USP6NL: variants seen among roughly 807,000 people sequenced by gnomAD.
USP6NL encodes the protein USP6 N-terminal like, also known as USP6 N-terminal-like protein.
USP6NL carries 26 observed loss-of-function variants against 61.9 expected under a neutral mutation model. The observed-to-expected ratio is 0.42, with a 90% CI of 0.31 to 0.58. The LOEUF is 0.58. Ranked by LOEUF, USP6NL falls within the 20% of genes least tolerant of loss-of-function variation. The pLI, the probability that USP6NL is intolerant of heterozygous loss-of-function variation, is 0.16. For missense variants in USP6NL, 1,114 were observed against 1,034.3 expected (o/e 1.08, Z -1.06); for synonymous variants, 432 against 390.1 (o/e 1.11, Z -1.27).
rs955770856 is a variant in USP6NL at position 11,493,116 on chromosome 10, C to T, written c.494+3G>A. The T allele has an allele frequency of 2.5e-6, 4 of 1,596,840 alleles. No individual in the cohort carries two copies. The highest frequency in any genetic ancestry group is 3.4e-6 in the Non-Finnish European group (4 of 1,169,784). On this transcript the variant is annotated splice_donor_region_variant and intron_variant, in intron 8 of 14. Transcript: ENST00000609104. Reference sequence around the variant, plus strand: ...ACATTTCATAATATTAAACTTTACTCACTTAACACCATATCTGTCTCTAAA... The same window carrying T: ...ACATTTCATAATATTAAACTTTACTTACTTAACACCATATCTGTCTCTAAA...
intron 1 of USP6NL, among the ~76,000 whole-genome samples, chr10:11,608,217 T>C (rs961758990): frequency 6.6e-6 from 1 of 152,222 alleles, no homozygotes; most frequent in Non-Finnish European, 1.5e-5. Context: ...GTCTTACAGC[T>C]ATCAAAACTA....
At chr10:11,550,212 G>A (rs1322911931) in intron 2 of USP6NL, among the ~76,000 whole-genome samples, 1 of 152,080 alleles carries the variant, frequency 6.6e-6, no homozygotes, top group African/African-American at 2.4e-5. Flanking sequence ...CGATGATACT[G>A]GGTTAGCCAA....
rs1021020914 is a variant in USP6NL, at chr10:11,553,724, C to T, written c.5-26157G>A. On this transcript the variant is annotated intron_variant, in intron 2 of 14. Transcript: ENST00000609104. The surrounding 1 kb of genome is among the most constrained non-coding windows in gnomAD (Gnocchi z 4.8). ...CAGCCTGACCAACATGATGAAACCCCGTCTCTACTAAAAATACAAAAATTA... is the reference window on the plus strand; with the variant it reads ...CAGCCTGACCAACATGATGAAACCCTGTCTCTACTAAAAATACAAAAATTA... Among the ~76,000 whole-genome samples the T allele has an allele frequency of 3.3e-5, 5 of 151,828 alleles. No individual in the cohort carries two copies. The highest frequency in any genetic ancestry group is 4.8e-5 in the African/African-American group (2 of 41,302).
In USP6NL at chr10:11,585,109, C is replaced by A. The variant is rs1479485139; in HGVS notation, c.4+12522G>T. The stretch of plus-strand genomic sequence containing the variant: ...AAGACTGTTTTAGAATGATATGATG[C>A]AAGAGAAAATGTAAACAGTGAGTCC... On this transcript the variant is annotated intron_variant, in intron 2 of 14. Coordinates refer to ENST00000609104, the MANE Select transcript of USP6NL (RefSeq NM_014688.5). The surrounding 1 kb of genome is among the most constrained non-coding windows in gnomAD (Gnocchi z 4.5). 3.9e-5 allele frequency among the ~76,000 whole-genome samples: 6 copies of A among 151,976 alleles called. No individual in the cohort carries two copies. The highest frequency in any genetic ancestry group is 1.2e-4 in the African/African-American group (5 of 41,368).
chr10:11,582,107 G>A (rs1007018593), intron 2 of USP6NL, among the ~76,000 whole-genome samples: 13 of 152,184 alleles, frequency 8.5e-5, no homozygotes, highest in Non-Finnish European at 1.8e-4. Flanking sequence ...TGGAATTACA[G>A]GTGCCTGCCA....
In USP6NL at chr10:11,490,537, A is replaced by C. The variant is rs1833667669; in HGVS notation, c.543+295T>G. On this transcript the variant is annotated intron_variant, in intron 9 of 14. Coordinates refer to ENST00000609104, the MANE Select transcript of USP6NL (RefSeq NM_014688.5). This position sits in a 1 kb window ranked among gnomAD's most constrained non-coding sequence, Gnocchi z 4.5. ...CCTTCTACCCTGTATATCTGCTTAA[A>C]AATAAAAACAAAACAACACAAAACA... Among the ~76,000 whole-genome samples, 1 of 152,230 alleles carries C rather than the reference A, an allele frequency of 6.6e-6. No individual in the cohort carries two copies. Among genetic ancestry groups the C allele is most frequent in the African/African-American group, 2.4e-5 (1 of 41,464 alleles).
Position 11,540,880 on chromosome 10 carries a change from C to T in USP6NL, c.5-13313G>A, listed in dbSNP as rs1283698497. On this transcript the variant is annotated intron_variant, in intron 2 of 14. Transcript: ENST00000609104. This position sits in a 1 kb window ranked among gnomAD's most constrained non-coding sequence, Gnocchi z 5.0. ...AAGTATTACTGGGTCCCTGAATGGCCCTTGGGTTCAAATTTGACCATAAGG... is the reference window on the plus strand; with the variant it reads ...AAGTATTACTGGGTCCCTGAATGGCTCTTGGGTTCAAATTTGACCATAAGG... Among the ~76,000 whole-genome samples, 2 of 151,996 alleles carry T rather than the reference C, an allele frequency of 1.3e-5. No individual in the cohort carries two copies. Among genetic ancestry groups the T allele is most frequent in the Admixed American group, 6.6e-5 (1 of 15,262 alleles).
At chr10:11,469,802 C>A (rs1832651992) in intron 14 of USP6NL, among the ~76,000 whole-genome samples, 1 of 152,196 alleles carries the variant, frequency 6.6e-6, no homozygotes, top group Admixed American at 6.5e-5. Context: ...ACAGTGCCAG[C>A]TCACTCCTGC....
intron 14 of USP6NL, among the ~76,000 whole-genome samples, chr10:11,480,707 A>G (rs1009264507): frequency 5.3e-5 from 8 of 152,248 alleles, no homozygotes; most frequent in Non-Finnish European, 1.0e-4. Context: ...TGTATTTTCC[A>G]TGGAAGTACT....
intron 2 of USP6NL, among the ~76,000 whole-genome samples, chr10:11,594,995 C>T (rs1487087475): frequency 2.6e-5 from 4 of 152,202 alleles, no homozygotes; most frequent in African/African-American, 9.6e-5. Flanking sequence ...CACCTCCCAA[C>T]TGGAGTGCTG....
At chr10:11,479,558 T>C (rs1333716963) in intron 14 of USP6NL, among the ~76,000 whole-genome samples, 2 of 150,538 alleles carry the variant, frequency 1.3e-5, no homozygotes, top group African/African-American at 2.4e-5. Flanking sequence ...GGCATGTTCA[T>C]GTAGGTGTTT....
rs778735378 is a variant in USP6NL, at chr10:11,574,858, G to A, written c.4+22773C>T. ...AATCAACCAAGGTTACAAGTAAACCGATCCAAAAATCAGCCTTCTGCTTTC... is the reference window on the plus strand; with the variant it reads ...AATCAACCAAGGTTACAAGTAAACCAATCCAAAAATCAGCCTTCTGCTTTC... On this transcript the variant is annotated intron_variant, in intron 2 of 14. Transcript: ENST00000609104. The surrounding 1 kb of genome is among the most constrained non-coding windows in gnomAD (Gnocchi z 4.3). Among the ~76,000 whole-genome samples, 9 of 152,136 alleles carry A rather than the reference G, an allele frequency of 5.9e-5. No homozygotes were observed. Among genetic ancestry groups the A allele is most frequent in the African/African-American group, 2.2e-4 (9 of 41,446 alleles).
In USP6NL at chr10:11,589,796, C is replaced by G. The variant is rs909588769; in HGVS notation, c.4+7835G>C. On this transcript the variant is annotated intron_variant, in intron 2 of 14. Transcript: ENST00000609104. The surrounding 1 kb of genome is among the most constrained non-coding windows in gnomAD (Gnocchi z 4.7). ...TTAATGAATATCTATTAGTGTCTGA[C>G]TATAATCTTTTTATATTTTATTGTT... Among the ~76,000 whole-genome samples, 2 of 152,188 alleles carry G rather than the reference C, an allele frequency of 1.3e-5. No individual in the cohort carries two copies. The highest frequency in any genetic ancestry group is 2.9e-5 in the Non-Finnish European group (2 of 68,044).
intron 2 of USP6NL, among the ~76,000 whole-genome samples, chr10:11,556,103 G>C (rs1259981451): frequency 1.3e-5 from 2 of 152,066 alleles, no homozygotes; most frequent in African/African-American, 4.8e-5. Flanking sequence ...CTAAACACAT[G>C]GGGTTTACTA....
chr10:11,490,635 T>C lies in USP6NL; in HGVS notation c.543+197A>G, dbSNP rs1260431606. Among the ~76,000 whole-genome samples the C allele has an allele frequency of 6.6e-6, 1 of 152,210 alleles. No homozygotes were observed. Among genetic ancestry groups the C allele is most frequent in the Non-Finnish European group, 1.5e-5 (1 of 68,042 alleles). On this transcript the variant is annotated intron_variant, in intron 9 of 14. Coordinates refer to ENST00000609104, the MANE Select transcript of USP6NL (RefSeq NM_014688.5). This position sits in a 1 kb window ranked among gnomAD's most constrained non-coding sequence, Gnocchi z 4.5. ...TGGCATACTGTGGTCATATTTAGGT[T>C]CTTCCACTTCAGAATCAGCTCTGTT...
chr10:11,464,373 C>T (rs1302021064), intron 14 of USP6NL, among the ~76,000 whole-genome samples: 1 of 152,140 alleles, frequency 6.6e-6, no homozygotes, highest in Non-Finnish European at 1.5e-5. Context: ...GCAGTCACTG[C>T]GCGCTGGCCA....
rs1293443009 is a variant in USP6NL at position 11,585,407 on chromosome 10, C to G, written c.4+12224G>C. ...GATGTATTTGTACACCCATGGTTCA[C>G]AGCAGCATAATTCGCAACAGCCAAA... is the stretch of plus-strand genomic sequence containing the variant. On this transcript the variant is annotated intron_variant, in intron 2 of 14. Coordinates refer to ENST00000609104, the MANE Select transcript of USP6NL (RefSeq NM_014688.5). The surrounding 1 kb of genome is among the most constrained non-coding windows in gnomAD (Gnocchi z 4.5). Among the ~76,000 whole-genome samples the G allele has an allele frequency of 1.3e-5, 2 of 152,322 alleles. No individual in the cohort carries two copies. The highest frequency in any genetic ancestry group is 1.9e-4 in the East Asian group (1 of 5,192).
Position 11,489,117 on chromosome 10 carries a change from T to C in USP6NL, c.649A>G (p.Lys217Glu), listed in dbSNP as rs1833602982. ...WALVKLFSGP[K>E]HAMHGFFVQG... is the part of the protein sequence containing the mutation. ...GTTTTCTTACCATGCATGGCATGTTTAGGGCCTGAGAAGAGTTTGACCAGG... is the reference window on the plus strand; with the variant it reads ...GTTTTCTTACCATGCATGGCATGTTCAGGGCCTGAGAAGAGTTTGACCAGG... Residue 217 changes from lysine (K) to glutamate (E), a missense_variant, in exon 10 of 15, where the codon AAA becomes GAA. Coordinates refer to ENST00000609104, the MANE Select transcript of USP6NL (RefSeq NM_014688.5). This position sits in a 1 kb window ranked among gnomAD's most constrained non-coding sequence, Gnocchi z 5.7. The C allele has an allele frequency of 6.2e-7, 1 of 1,613,948 alleles. No homozygotes were observed. Among genetic ancestry groups the C allele is most frequent in the Non-Finnish European group, 8.5e-7 (1 of 1,179,820 alleles).
chr10:11,589,597 GA>G lies in USP6NL; in HGVS notation c.4+8033del, dbSNP rs1392989799. Among the ~76,000 whole-genome samples the G allele has an allele frequency of 6.6e-6, 1 of 152,058 alleles. No homozygotes were observed. Among genetic ancestry groups the G allele is most frequent in the African/African-American group, 2.4e-5 (1 of 41,400 alleles). ...ATTCTCCCTTACCTTGCAAGTACTA[GA>G]ACATAACTAGGTTCACCAGTGAAGA... On this transcript the variant is annotated intron_variant, in intron 2 of 14. Transcript: ENST00000609104. The surrounding 1 kb of genome is among the most constrained non-coding windows in gnomAD (Gnocchi z 4.7).
Sources: gnomAD v4.1 joint callset for allele counts (sites outside exome capture counted in the v4.1 genomes callset) on GRCh38, gnomAD v4.1.1 for gene constraint, Gnocchi (gnomAD v3.1) non-coding constraint, MANE v1.5 for transcripts, NCBI Gene and HGNC (gene_info 2026-07-23, HGNC 2026-07-21) for gene names.